Variants in UTRN observed in about 807,000 individuals in gnomAD.
UTRN encodes the protein dystrophin-related protein 1.
A neutral mutation model predicts 463.9 loss-of-function variants in UTRN; 283 were observed. The ratio of observed to expected loss-of-function variants is 0.61; its 90% CI spans 0.55 to 0.67. The LOEUF is 0.67. Ranked by LOEUF, UTRN falls within the 30% of genes least tolerant of loss-of-function variation. UTRN has a pLI of 0.00. For synonymous variants in UTRN, 1,442 were observed against 1,431.5 expected, an observed-to-expected ratio of 1.01 and a Z score of -0.17; for missense variants, 3,922 against 4,084.3, an observed-to-expected ratio of 0.96 and a Z score of 1.08.
chr6:144,321,204 A>C (rs73010808), intron 2 of UTRN, among the ~76,000 whole-genome samples: 82 of 141,438 alleles, frequency 5.8e-4, no homozygotes, highest in Non-Finnish European at 1.2e-3. Context: ...CCGTTTTACT[A>C]TTTACAAACA....
chr6:144,377,317 G>A (rs1332940387), intron 2 of UTRN, among the ~76,000 whole-genome samples: 1 of 152,196 alleles, frequency 6.6e-6, no homozygotes, highest in Non-Finnish European at 1.5e-5. Flanking sequence ...GATTACAGGT[G>A]TGAGCCACGG....
rs1272747006 is a variant in UTRN at position 144,286,172 on chromosome 6, G to C, written c.-93+351G>C. 1.3e-5 allele frequency among the ~76,000 whole-genome samples: 2 copies of C among 152,252 alleles called. No individual in the cohort carries two copies. The highest frequency in any genetic ancestry group is 4.8e-5 in the African/African-American group (2 of 41,470). ...TCTTCCTCCCCGCCGGGGTGACAGAGTCGCCCTCCGTGCATCGCGCGGTGC... is the reference window on the plus strand; with the variant it reads ...TCTTCCTCCCCGCCGGGGTGACAGACTCGCCCTCCGTGCATCGCGCGGTGC... On this transcript the variant is annotated intron_variant, in intron 1 of 74. Transcript: ENST00000367545. The surrounding 1 kb of genome is among the most constrained non-coding windows in gnomAD (Gnocchi z 4.4).
chr6:144,762,447 G>C (rs1346132837), intron 58 of UTRN, among the ~76,000 whole-genome samples: 1 of 152,194 alleles, frequency 6.6e-6, no homozygotes, highest in East Asian at 1.9e-4. Flanking sequence ...CCTCCTGTGT[G>C]CCAGCAACTG....
At chr6:144,489,533 A>G (rs1792829454) in intron 30 of UTRN, among the ~76,000 whole-genome samples, 1 of 152,214 alleles carries the variant, frequency 6.6e-6, no homozygotes, top group African/African-American at 2.4e-5. Flanking sequence ...TGTGAACATT[A>G]GAAACGACAA....
intron 73 of UTRN, among the ~76,000 whole-genome samples, chr6:144,843,363 A>G (rs899054066): frequency 6.6e-6 from 1 of 152,164 alleles, no homozygotes; most frequent in African/African-American, 2.4e-5. Flanking sequence ...CATTTCCTAA[A>G]GAATTTACTC....
chr6:144,368,781 G>A (rs566069527), intron 2 of UTRN, among the ~76,000 whole-genome samples: 2 of 151,902 alleles, frequency 1.3e-5, no homozygotes, highest in African/African-American at 4.8e-5. Context: ...GAAAAAAAAA[G>A]GATTATAAAT....
chr6:144,723,743 T>C (rs1204233859), intron 53 of UTRN, among the ~76,000 whole-genome samples: 1 of 152,100 alleles, frequency 6.6e-6, no homozygotes, highest in Non-Finnish European at 1.5e-5. Context: ...GGCTTACATC[T>C]GTAATCCCAG....
chr6:144,503,732 C>T (rs1331002722), intron 34 of UTRN, among the ~76,000 whole-genome samples: 1 of 152,066 alleles, frequency 6.6e-6, no homozygotes, highest in Non-Finnish European at 1.5e-5. Context: ...TATATGGGCT[C>T]TTTTTGTTTC....
intron 43 of UTRN, among the ~76,000 whole-genome samples, chr6:144,533,628 C>G (rs1219777104): frequency 6.6e-6 from 1 of 152,094 alleles, no homozygotes; most frequent in Admixed American, 6.5e-5. Context: ...CCTGATTGAG[C>G]CTACCTTAGT....
chr6:144,659,240 G>A (rs896373142), intron 51 of UTRN, among the ~76,000 whole-genome samples: 1 of 152,180 alleles, frequency 6.6e-6, no homozygotes, highest in Admixed American at 6.5e-5. Context: ...GACTTTTGGG[G>A]CAGGCAGGCC....
chr6:144,840,866 C>G (rs369640076), intron 73 of UTRN, 34 bp downstream of exon 73: 5 of 1,593,626 alleles, frequency 3.1e-6, no homozygotes, highest in Non-Finnish European at 4.3e-6. Context: ...CACAGCTGCA[C>G]GTGTTCCTTC....
At position 144,440,350 on chromosome 6, in the gene UTRN, A is replaced by G; in HGVS notation, c.1393-2A>G. 6.2e-7 allele frequency: 1 copy of G among 1,614,006 alleles called. No homozygotes were observed. Among genetic ancestry groups the G allele is most frequent in the South Asian group, 1.1e-5 (1 of 91,070 alleles). On this transcript the variant is annotated splice_acceptor_variant, in intron 12 of 74. Transcript: ENST00000367545. LOFTEE classifies it high-confidence loss of function. ...ATGGTTTATCTTAATTTTTTTCTCT[A>G]GAGTTTGCAAAGTGATCTTGAGGCT...
At chr6:144,762,763 T>G (rs1424060061) in intron 58 of UTRN, among the ~76,000 whole-genome samples, 1 of 152,204 alleles carries the variant, frequency 6.6e-6, no homozygotes, top group Non-Finnish European at 1.5e-5. Context: ...TTTAAGTATC[T>G]GCGAGTAAGA....
chr6:144,549,782 G>A (rs998121887), intron 47 of UTRN, among the ~76,000 whole-genome samples: 1 of 152,178 alleles, frequency 6.6e-6, no homozygotes, highest in Non-Finnish European at 1.5e-5. Context: ...GAGGCACAAA[G>A]GACAGTAGGG....
At chr6:144,612,110 A>G (rs975063067) in intron 51 of UTRN, among the ~76,000 whole-genome samples, 12 of 152,192 alleles carry the variant, frequency 7.9e-5, no homozygotes, top group African/African-American at 2.7e-4. Flanking sequence ...GGTGCCAGGA[A>G]CACACAATGG....
At chr6:144,459,847 C>A (rs1159775147) in intron 21 of UTRN, among the ~76,000 whole-genome samples, 1 of 152,028 alleles carries the variant, frequency 6.6e-6, no homozygotes, top group Non-Finnish European at 1.5e-5. Flanking sequence ...ACCTCAGCCT[C>A]CCAAAATAAC....
Position 144,539,413 on chromosome 6 carries a change from C to T in UTRN, c.6489C>T (p.Ser2163=). 6.2e-7 allele frequency: 1 copy of T among 1,611,452 alleles called. No homozygotes were observed. The highest frequency in any genetic ancestry group is 8.5e-7 in the Non-Finnish European group (1 of 1,178,926). Residue 2163 remains serine (S), a synonymous_variant, in exon 45 of 75, where the codon AGC becomes AGT. Transcript: ENST00000367545. The stretch of plus-strand genomic sequence containing the variant: ...CTGAAAGGGATAAAATTTCAGAAAG[C>T]TTAAGGACTGTAAATATGACATGGA... ...SLPERDKISE[S]LRTVNMTWNK...
chr6:144,836,978 A>G (rs573244608), intron 71 of UTRN: 9 of 171,376 alleles, frequency 5.3e-5, no homozygotes, highest in Non-Finnish European at 1.2e-4. Flanking sequence ...AAAGATGGTT[A>G]TTAATTTGCT....
chr6:144,538,408 G>A (rs567962785), intron 44 of UTRN, among the ~76,000 whole-genome samples: 4 of 152,046 alleles, frequency 2.6e-5, no homozygotes, highest in Non-Finnish European at 4.4e-5. Context: ...GGTGGCTCAC[G>A]CCTGTAATCC....
Sources: gnomAD v4.1 joint callset for allele counts (sites outside exome capture counted in the v4.1 genomes callset) on GRCh38, gnomAD v4.1.1 for gene constraint, Gnocchi (gnomAD v3.1) non-coding constraint, MANE v1.5 for transcripts, NCBI Gene and HGNC (gene_info 2026-07-23, HGNC 2026-07-21) for gene names.